VSTM4: variants seen among roughly 807,000 people sequenced by gnomAD.
The protein encoded by VSTM4 is V-set and transmembrane domain containing 4, also known as V-set and transmembrane domain-containing protein 4.
A neutral mutation model predicts 36.4 loss-of-function variants in VSTM4; 20 were observed. The ratio of observed to expected loss-of-function variants is 0.55; its 90% confidence interval spans 0.39 to 0.80. The LOEUF is 0.80. Ranked by LOEUF, VSTM4 falls within the 30% of genes least tolerant of loss-of-function variation. The pLI is 0.00. For missense variants in VSTM4, 392 were observed against 404.5 expected, an observed-to-expected ratio of 0.97 and a Z score of 0.26; for synonymous variants, 182 against 173.9, an observed-to-expected ratio of 1.05 and a Z score of -0.37.
Position 49,018,506 on chromosome 10 carries a change from A to G in VSTM4, c.*1144T>C, listed in dbSNP as rs1399943583. 3.9e-5 allele frequency: 6 copies of G among 152,228 alleles called. No homozygotes were observed. Among genetic ancestry groups the G allele is most frequent in the Admixed American group, 3.3e-4 (5 of 15,286 alleles). 9.4% of individuals were successfully genotyped at this position (152,228 alleles called of 1,614,324 possible). Reference sequence around the variant, plus strand: ...TCCACTACATAGTCAAACAATTTCTATAGTGGGCAGTAAATAGCCACCCAG... The same window carrying G: ...TCCACTACATAGTCAAACAATTTCTGTAGTGGGCAGTAAATAGCCACCCAG... On this transcript the variant is annotated 3_prime_UTR_variant, in exon 8 of 8. Transcript: ENST00000332853.
chr10:49,088,252 A>G (rs954581900), intron 2 of VSTM4, among the ~76,000 whole-genome samples: 3 of 152,242 alleles, frequency 2.0e-5, no homozygotes, highest in Non-Finnish European at 4.4e-5. Flanking sequence ...CACTGGGCAC[A>G]TTGCCTGGCA....
intron 2 of VSTM4, among the ~76,000 whole-genome samples, chr10:49,099,040 C>T (rs1480612705): frequency 6.6e-6 from 1 of 152,248 alleles, no homozygotes; most frequent in Non-Finnish European, 1.5e-5. Context: ...CTCATTTCCT[C>T]ATCACATTTG....
rs1330488018 is a variant in VSTM4 at position 49,016,310 on chromosome 10, C to A, written c.*3340G>T. 6.6e-6 allele frequency: 1 copy of A among 152,162 alleles called. No individual in the cohort carries two copies. Among genetic ancestry groups the A allele is most frequent in the Non-Finnish European group, 1.5e-5 (1 of 68,048 alleles). 9.4% of individuals were successfully genotyped at this position (152,162 alleles called of 1,614,324 possible). On this transcript the variant is annotated 3_prime_UTR_variant, in exon 8 of 8. Transcript: ENST00000332853. ...GGACTTGGGTAGAGTCCTGCCCTTC[C>A]AGGACATTCTCCTCCCTGCTGCTTG...
chr10:49,031,975 C>G (rs1438444082), intron 7 of VSTM4, among the ~76,000 whole-genome samples: 1 of 152,114 alleles, frequency 6.6e-6, no homozygotes, highest in East Asian at 1.9e-4. Context: ...CCCCACAGAG[C>G]CATGTGTCTC....
chr10:49,062,919 T>C lies in VSTM4; in HGVS notation c.668+1784A>G, dbSNP rs181403054. ...ACAGTGAGTTTTTCATTTCTGTTTTTGTACTTTTTAGTTCTATAATTTCCA... is the reference window on the plus strand; with the variant it reads ...ACAGTGAGTTTTTCATTTCTGTTTTCGTACTTTTTAGTTCTATAATTTCCA... On this transcript the variant is annotated intron_variant, in intron 5 of 7. Transcript: ENST00000332853. Among the ~76,000 whole-genome samples the C allele has an allele frequency of 2.2e-4, 34 of 152,350 alleles. 1 individual carries two copies. Among genetic ancestry groups the C allele is most frequent in the African/African-American group, 8.2e-4 (34 of 41,586 alleles).
chr10:49,021,316 G>A (rs542788149), intron 7 of VSTM4, among the ~76,000 whole-genome samples: 1 of 151,984 alleles, frequency 6.6e-6, no homozygotes, highest in East Asian at 1.9e-4. Flanking sequence ...TAGGTGGGGA[G>A]TTTTTTAAAA....
intron 7 of VSTM4, among the ~76,000 whole-genome samples, chr10:49,032,247 G>A (rs1438446578): frequency 6.6e-6 from 1 of 152,346 alleles, no homozygotes; most frequent in East Asian, 1.9e-4. Context: ...GTGCAGAGAT[G>A]AAGGTGGAGA....
chr10:49,063,367 G>T (rs1843916601), intron 5 of VSTM4, among the ~76,000 whole-genome samples: 1 of 152,122 alleles, frequency 6.6e-6, no homozygotes, highest in Non-Finnish European at 1.5e-5. Flanking sequence ...CAAAATTTTT[G>T]TCAGATAATT....
chr10:49,087,903 TTATATATG>T (rs1403409126), intron 2 of VSTM4, among the ~76,000 whole-genome samples: 2 of 147,302 alleles, frequency 1.4e-5, no homozygotes, highest in African/African-American at 5.0e-5. Flanking sequence ...ATTATATATG[TTATATATG>T]TATATATATA....
intron 7 of VSTM4, among the ~76,000 whole-genome samples, chr10:49,044,162 T>C (rs1489375882): frequency 1.3e-5 from 2 of 152,048 alleles, no homozygotes; most frequent in Non-Finnish European, 2.9e-5. Flanking sequence ...ACCCCAACTC[T>C]ACTAAAAATA....
chr10:49,031,587 C>T (rs1474701966), intron 7 of VSTM4, among the ~76,000 whole-genome samples: 1 of 152,202 alleles, frequency 6.6e-6, no homozygotes, highest in Non-Finnish European at 1.5e-5. Context: ...TAATGAACAC[C>T]ACTGTGTCTC....
intron 5 of VSTM4, among the ~76,000 whole-genome samples, chr10:49,056,764 G>A (rs762987341): frequency 1.3e-5 from 2 of 152,184 alleles, no homozygotes; most frequent in African/African-American, 4.8e-5. Context: ...ATTCCTCCCT[G>A]GACAAGACAT....
At chr10:49,089,849 G>A (rs1455719955) in intron 2 of VSTM4, among the ~76,000 whole-genome samples, 1 of 152,246 alleles carries the variant, frequency 6.6e-6, no homozygotes. Context: ...CCAGGGGTCT[G>A]AGTCCACAGA....
intron 3 of VSTM4, among the ~76,000 whole-genome samples, chr10:49,084,247 G>A (rs1844331267): frequency 6.6e-6 from 1 of 152,094 alleles, no homozygotes; most frequent in Non-Finnish European, 1.5e-5. Context: ...GGAGAAATGG[G>A]GATTATTTTA....
intron 7 of VSTM4, 138 bp from the exon 8 acceptor site, chr10:49,019,913 C>G: frequency 2.7e-6 from 3 of 1,109,746 alleles, no homozygotes; most frequent in Non-Finnish European, 3.7e-6. Flanking sequence ...ATTTAAGAGG[C>G]TACATAATAT....
At chr10:49,098,133 C>G (rs1240640047) in intron 2 of VSTM4, among the ~76,000 whole-genome samples, 1 of 152,112 alleles carries the variant, frequency 6.6e-6, no homozygotes, top group East Asian at 1.9e-4. Flanking sequence ...CCTGCTTATG[C>G]TCCCTCAATT....
At chr10:49,092,298 C>T (rs1293482168) in intron 2 of VSTM4, among the ~76,000 whole-genome samples, 2 of 152,088 alleles carry the variant, frequency 1.3e-5, no homozygotes, top group Non-Finnish European at 2.9e-5. Flanking sequence ...GCTCCAGGCC[C>T]GAGGACCCTA....
intron 2 of VSTM4, among the ~76,000 whole-genome samples, chr10:49,099,330 A>G (rs1481561263): frequency 6.6e-6 from 1 of 152,182 alleles, no homozygotes; most frequent in African/African-American, 2.4e-5. Flanking sequence ...TGTTTTCCCC[A>G]CATGTATTGC....
At chr10:49,085,339 C>G (rs929048441) in intron 3 of VSTM4, among the ~76,000 whole-genome samples, 9 of 152,202 alleles carry the variant, frequency 5.9e-5, no homozygotes, top group African/African-American at 2.2e-4. Flanking sequence ...AGATGTGGTC[C>G]AGGCATTCAT....
Sources: allele counts gnomAD v4.1 joint callset (sites outside exome capture counted in the v4.1 genomes callset), GRCh38; gene constraint gnomAD v4.1.1; transcripts MANE v1.5; gene names NCBI Gene and HGNC (gene_info 2026-07-23, HGNC 2026-07-21).